The following GRIP1 variants were observed in gnomAD, a reference collection of about 807,000 sequenced individuals.
The protein encoded by GRIP1 is glutamate receptor-interacting protein 1.
A neutral mutation model predicts 129.9 loss-of-function variants in GRIP1; 45 were observed. The observed-to-expected ratio is 0.35, with a 90% CI of 0.27 to 0.44. The LOEUF is 0.44. Among genes scored for constraint, GRIP1 ranks in the 20% least tolerant of loss-of-function variants. The probability of loss-of-function intolerance (pLI) is 1.00; values close to 1 mark genes in which losing one functional copy is unlikely to be tolerated. For synonymous variants in GRIP1, 530 were observed against 520.8 expected (o/e 1.02, Z -0.24); for missense variants, 1,196 against 1,396.8 (o/e 0.86, Z 2.29).
At chr12:66,644,496 C>A (rs540116248) in intron 1 of GRIP1, among the ~76,000 whole-genome samples, 1 of 152,216 alleles carries the variant, frequency 6.6e-6, no homozygotes, top group Admixed American at 6.5e-5. Context: ...TACCACCAAA[C>A]CTCAAAAGAA....
intron 1 of GRIP1, among the ~76,000 whole-genome samples, chr12:67,014,185 TTA>T (rs2042750589): frequency 6.6e-6 from 1 of 152,194 alleles, no homozygotes; most frequent in Non-Finnish European, 1.5e-5. Flanking sequence ...CTTCTACTAT[TTA>T]TATGAGTTTG....
chr12:66,504,935 C>T (rs998696013), intron 7 of GRIP1, among the ~76,000 whole-genome samples: 4 of 152,134 alleles, frequency 2.6e-5, no homozygotes, highest in Non-Finnish European at 5.9e-5. Context: ...GTTAGACTTC[C>T]AACTACTGGC....
At chr12:66,890,368 A>G (rs2040638607) in intron 1 of GRIP1, among the ~76,000 whole-genome samples, 1 of 152,224 alleles carries the variant, frequency 6.6e-6, no homozygotes, top group Non-Finnish European at 1.5e-5. Flanking sequence ...TCTAAGCTTA[A>G]TCTTATTGAA....
At chr12:66,594,324 C>T (rs1043977746) in intron 2 of GRIP1, among the ~76,000 whole-genome samples, 3 of 152,054 alleles carry the variant, frequency 2.0e-5, no homozygotes, top group African/African-American at 7.2e-5. Context: ...GGAGTGAGCA[C>T]AGGAGAAGGA....
At chr12:66,957,429 T>TATATAC (rs1301623826) in intron 1 of GRIP1, among the ~76,000 whole-genome samples, 3 of 151,122 alleles carry the variant, frequency 2.0e-5, no homozygotes, top group African/African-American at 7.3e-5. Context: ...TATATATATA[T>TATATAC]ATATATATTT....
chr12:66,535,067 C>T (rs1410358855), intron 4 of GRIP1, among the ~76,000 whole-genome samples: 2 of 152,108 alleles, frequency 1.3e-5, no homozygotes, highest in African/African-American at 4.8e-5. Flanking sequence ...GCGCTGCACC[C>T]TTTGTCTGAA....
intron 7 of GRIP1, among the ~76,000 whole-genome samples, chr12:66,466,943 C>T (rs906229816): frequency 3.9e-5 from 6 of 152,132 alleles, no homozygotes; most frequent in African/African-American, 1.4e-4. Flanking sequence ...TGCACTGACT[C>T]ATGAAGCTGA....
chr12:66,541,677 T>C, intron 3 of GRIP1, 138 bp downstream of exon 3: 1 of 904,068 alleles, frequency 1.1e-6, no homozygotes, highest in South Asian at 1.3e-5. Flanking sequence ...CGTGCCCCAC[T>C]GTGCTTCTGC....
intron 11 of GRIP1, among the ~76,000 whole-genome samples, chr12:66,454,853 A>G (rs2058909828): frequency 6.6e-6 from 1 of 152,200 alleles, no homozygotes; most frequent in South Asian, 2.1e-4. Flanking sequence ...TGGAAAAAGT[A>G]TTGGAGTCTT....
At chr12:66,364,400 G>C (rs1212855625) in intron 23 of GRIP1, among the ~76,000 whole-genome samples, 1 of 151,896 alleles carries the variant, frequency 6.6e-6, no homozygotes, top group Non-Finnish European at 1.5e-5. Context: ...AGTGAAGATG[G>C]GCACTGGGTC....
chr12:66,445,398 C>G lies in GRIP1; in HGVS notation c.1465G>C (p.Gly489Arg). ...PVTGFGIQLQ[G>R]SVFATETLSS... Reference sequence around the variant, plus strand: ...AGAGTTTCTGTGGCAAACACACTGCCCTGCAGTTGGATCCCAAATCCTGTG... The same window carrying G: ...AGAGTTTCTGTGGCAAACACACTGCGCTGCAGTTGGATCCCAAATCCTGTG... The change falls in exon 12 of 25, where the codon GGC becomes CGC. Residue 489 changes from glycine to arginine, a missense_variant. Physicochemically the swap from Gly to Arg is moderately radical, Grantham distance 125. Around this residue, in one of 5 missense-constraint regions of GRIP1, gnomAD observed 508 missense variants for 587.0 expected, o/e 0.87. Transcript: ENST00000359742. 6.2e-7 allele frequency: 1 copy of G among 1,614,112 alleles called. No individual in the cohort carries two copies. Among genetic ancestry groups the G allele is most frequent in the Non-Finnish European group, 8.5e-7 (1 of 1,179,964 alleles).
intron 1 of GRIP1, among the ~76,000 whole-genome samples, chr12:66,735,868 C>T (rs2036579270): frequency 6.6e-6 from 1 of 152,080 alleles, no homozygotes; most frequent in Non-Finnish European, 1.5e-5. Context: ...CAATATGCCT[C>T]AGCATTAAAC....
At chr12:66,433,413 G>A (rs1305629071) in intron 13 of GRIP1, among the ~76,000 whole-genome samples, 1 of 152,194 alleles carries the variant, frequency 6.6e-6, no homozygotes, top group African/African-American at 2.4e-5. Context: ...AGCTTTTAGA[G>A]ATTCCAGAGA....
intron 1 of GRIP1, among the ~76,000 whole-genome samples, chr12:66,685,855 C>T (rs1012706332): frequency 1.3e-5 from 2 of 152,160 alleles, no homozygotes; most frequent in African/African-American, 2.4e-5. Context: ...GTCTGCTGCT[C>T]CCTGCCCATG....
chr12:67,056,763 C>T (rs1449513508), intron 1 of GRIP1, among the ~76,000 whole-genome samples: 7 of 152,248 alleles, frequency 4.6e-5, no homozygotes, highest in African/African-American at 7.2e-5. Flanking sequence ...ACATATGCCA[C>T]TGAATAATCT....
chr12:66,626,925 A>G (rs1367691332), intron 1 of GRIP1: 2 of 152,224 alleles, frequency 1.3e-5, no homozygotes, highest in African/African-American at 4.8e-5. Flanking sequence ...TGCATGGTCC[A>G]AGTAATTCAT....
At chr12:66,394,873 A>G (rs1046093720) in intron 16 of GRIP1, among the ~76,000 whole-genome samples, 7 of 152,260 alleles carry the variant, frequency 4.6e-5, no homozygotes, top group African/African-American at 1.7e-4. Context: ...AGTGGAACTT[A>G]GATAAGTAAA....
intron 1 of GRIP1, among the ~76,000 whole-genome samples, chr12:66,997,373 G>A (rs1027565189): frequency 2.6e-5 from 4 of 152,032 alleles, no homozygotes; most frequent in African/African-American, 9.7e-5. Context: ...GAGCCCAGGA[G>A]TTCAAGGCCA....
intron 19 of GRIP1, among the ~76,000 whole-genome samples, chr12:66,381,127 T>A (rs910915920): frequency 6.6e-6 from 1 of 152,176 alleles, no homozygotes; most frequent in Non-Finnish European, 1.5e-5. Flanking sequence ...GGATTTGATC[T>A]TAAGAACCCA....
Sources: gnomAD v4.1 joint callset for allele counts (sites outside exome capture counted in the v4.1 genomes callset) on GRCh38, gnomAD v4.1.1 for gene constraint, gnomAD v4.1.1 regional missense constraint, MANE v1.5 for transcripts, NCBI Gene and HGNC (gene_info 2026-07-23, HGNC 2026-07-21) for gene names.